The following RAPGEF6 variants were observed in gnomAD, a reference collection of about 807,000 sequenced individuals.
RAPGEF6 encodes Rap guanine nucleotide exchange factor 6, also known as PDZ domain containing guanine nucleotide exchange factor (GEF) 2.
RAPGEF6 carries 56 observed loss-of-function variants against 171.4 expected under a neutral mutation model. The ratio of observed to expected loss-of-function variants is 0.33; its 90% CI spans 0.26 to 0.41. RAPGEF6 has a LOEUF of 0.41. RAPGEF6 is among the 10% of genes least tolerant of loss of function. RAPGEF6 has a pLI of 1.00. For missense variants in RAPGEF6, 1,674 were observed against 1,921.4 expected, an observed-to-expected ratio of 0.87 and a Z score of 2.41; for synonymous variants, 692 against 650.1, an observed-to-expected ratio of 1.06 and a Z score of -0.98.
At chr5:131,541,517 C>A (rs1760143660) in intron 6 of RAPGEF6, among the ~76,000 whole-genome samples, 2 of 147,338 alleles carry the variant, frequency 1.4e-5, no homozygotes, top group Non-Finnish European at 3.0e-5. Flanking sequence ...TTTCTTTTTA[C>A]TTTTTTTTTT....
At chr5:131,464,442 TC>T in intron 17 of RAPGEF6, 161 bp from the exon 18 acceptor site, 1 of 599,120 alleles carries the variant, frequency 1.7e-6, no homozygotes, top group Non-Finnish European at 2.9e-6. Context: ...GATAAATATA[TC>T]CTTTTTTTTT....
At chr5:131,496,706 T>C (rs1367029566) in intron 12 of RAPGEF6, among the ~76,000 whole-genome samples, 2 of 152,222 alleles carry the variant, frequency 1.3e-5, no homozygotes, top group Non-Finnish European at 1.5e-5. Context: ...TTCTTATGGC[T>C]GAATAATATT....
chr5:131,602,736 G>C (rs1228631399), intron 3 of RAPGEF6, among the ~76,000 whole-genome samples: 5 of 152,136 alleles, frequency 3.3e-5, no homozygotes, highest in African/African-American at 1.2e-4. Context: ...ACTCCAGCCT[G>C]GGCGACAAGT....
At chr5:131,482,091 C>A (rs901629626) in intron 15 of RAPGEF6, among the ~76,000 whole-genome samples, 2 of 152,160 alleles carry the variant, frequency 1.3e-5, no homozygotes, top group Non-Finnish European at 2.9e-5. Flanking sequence ...AGGGTTTCAA[C>A]AGAAGGATGA....
intron 21 of RAPGEF6, among the ~76,000 whole-genome samples, chr5:131,451,237 T>C (rs899040225): frequency 2.0e-5 from 3 of 152,110 alleles, no homozygotes; most frequent in Admixed American, 6.6e-5. Context: ...CTTCCTTCCA[T>C]GCTTTGTGGA....
intron 7 of RAPGEF6, among the ~76,000 whole-genome samples, chr5:131,517,199 C>A (rs940622080): frequency 6.6e-5 from 10 of 152,024 alleles, no homozygotes; most frequent in Admixed American, 3.9e-4. Flanking sequence ...TCATTCGAAC[C>A]CCAAACACTC....
intron 4 of RAPGEF6, among the ~76,000 whole-genome samples, chr5:131,567,668 T>A (rs1581035612): frequency 6.6e-6 from 1 of 152,330 alleles, no homozygotes; most frequent in East Asian, 1.9e-4. Flanking sequence ...TTATACGCCC[T>A]ATCCTGGAGA....
At chr5:131,554,148 ATG>A (rs1247054151) in intron 5 of RAPGEF6, among the ~76,000 whole-genome samples, 1 of 152,176 alleles carries the variant, frequency 6.6e-6, no homozygotes, top group African/African-American at 2.4e-5. Context: ...AAAAAATAGA[ATG>A]TATTAATTGT....
chr5:131,461,633 A>G, intron 19 of RAPGEF6, 72 bp downstream of exon 19: 1 of 1,374,012 alleles, frequency 7.3e-7, no homozygotes, highest in Non-Finnish European at 9.9e-7. Flanking sequence ...GGCATTGAAT[A>G]CCTAAGTAGA....
intron 1 of RAPGEF6, among the ~76,000 whole-genome samples, chr5:131,627,310 G>C (rs1765995385): frequency 1.3e-5 from 2 of 152,158 alleles, no homozygotes. Context: ...ATCCTAGGAG[G>C]CATTAGCCTA....
rs184033856 is a variant in RAPGEF6 at position 131,473,827 on chromosome 5, T to C, written c.2082-1083A>G. Among the ~76,000 whole-genome samples, 30 of 152,322 alleles carry C rather than the reference T, an allele frequency of 2.0e-4. No homozygotes were observed. In the East Asian group the frequency reaches 4.4e-3, roughly 23 times the overall value. On this transcript the variant is annotated intron_variant, in intron 16 of 27. Coordinates refer to ENST00000509018, the MANE Select transcript of RAPGEF6 (RefSeq NM_016340.6). The stretch of plus-strand genomic sequence containing the variant: ...TAGAAAACTATGCAAGATGGAGAGT[T>C]AGACTGTTAAATAAACTGCTAAAGG...
chr5:131,519,065 T>C (rs1758294047), intron 7 of RAPGEF6, among the ~76,000 whole-genome samples: 1 of 152,184 alleles, frequency 6.6e-6, no homozygotes, highest in African/African-American at 2.4e-5. Flanking sequence ...ATATGGATAC[T>C]TTCTGAGGTG....
chr5:131,614,381 C>T (rs1580679919), intron 1 of RAPGEF6, among the ~76,000 whole-genome samples: 1 of 151,642 alleles, frequency 6.6e-6, no homozygotes, highest in East Asian at 1.9e-4. Context: ...GTCCTGCAGG[C>T]TGTACAGGAT....
rs1285063869 is a variant in RAPGEF6 at position 131,629,974 on chromosome 5, A to C, written c.69+4988T>G. On this transcript the variant is annotated intron_variant, in intron 1 of 27. Transcript: ENST00000509018. ...AACAAAGAATTTAGAATACCACATA[A>C]GCTTAAGCTTAGTTGATAAAGCAGC... Among the ~76,000 whole-genome samples the C allele has an allele frequency of 3.3e-5, 5 of 152,220 alleles. No individual in the cohort carries two copies. In the East Asian group the frequency reaches 7.7e-4, roughly 23 times the overall value.
intron 15 of RAPGEF6, 143 bp from the exon 16 acceptor site, chr5:131,479,896 T>TATTTGA: frequency 1.2e-6 from 1 of 824,382 alleles, no homozygotes; most frequent in Non-Finnish European, 1.9e-6. Flanking sequence ...GTCAAGTATT[T>TATTTGA]ACCCGTCCTT....
intron 19 of RAPGEF6, 91 bp downstream of exon 19, chr5:131,461,614 C>A: frequency 8.1e-7 from 1 of 1,241,312 alleles, no homozygotes; most frequent in East Asian, 2.4e-5. Flanking sequence ...TTGAACATTT[C>A]TTTTCATAGG....
intron 1 of RAPGEF6, among the ~76,000 whole-genome samples, chr5:131,607,523 C>T (rs959307203): frequency 6.6e-6 from 1 of 152,216 alleles, no homozygotes; most frequent in Non-Finnish European, 1.5e-5. Flanking sequence ...GCAATATTAA[C>T]TTACAGTTTT....
At chr5:131,558,727 C>T (rs951863900) in intron 5 of RAPGEF6, among the ~76,000 whole-genome samples, 2 of 151,890 alleles carry the variant, frequency 1.3e-5, no homozygotes, top group African/African-American at 4.8e-5. Flanking sequence ...GAGCATACGC[C>T]TGAATTTCAG....
At position 131,446,541 on chromosome 5, in the gene RAPGEF6, C is replaced by A; in HGVS notation, c.3363G>T (p.Glu1121Asp). The change falls in exon 22 of 28, where the codon GAG becomes GAT. Residue 1121 changes from glutamate to aspartate, a missense_variant. Physicochemically the swap from Glu to Asp is conservative, Grantham distance 45. Coordinates refer to ENST00000509018, the MANE Select transcript of RAPGEF6 (RefSeq NM_016340.6). The part of the protein sequence containing the change: ...VKQYLSSLDV[E>D]TDEEKFQMMS... ...TCATCTGGAACTTCTCCTCATCTGT[C>A]TCTACATCGAGACTGGAAAGATACT... 1.2e-6 allele frequency: 2 copies of A among 1,614,244 alleles called. No individual in the cohort carries two copies. Among genetic ancestry groups the A allele is most frequent in the Non-Finnish European group, 1.7e-6 (2 of 1,180,030 alleles).
Sources: allele counts gnomAD v4.1 joint callset (sites outside exome capture counted in the v4.1 genomes callset), GRCh38; gene constraint gnomAD v4.1.1; transcripts MANE v1.5; gene names NCBI Gene and HGNC (gene_info 2026-07-23, HGNC 2026-07-21).